The following CEP162 variants were observed in gnomAD, a reference collection of about 807,000 sequenced individuals.
The protein encoded by CEP162 is centrosomal protein 162, also known as centrosomal protein of 162 kDa.
Under a neutral mutation model 169.2 loss-of-function variants are expected in CEP162, and 141 were observed. That is an observed-to-expected ratio of 0.83 (90% CI 0.73 to 0.96). CEP162 has a LOEUF of 0.96. Among genes scored for constraint, CEP162 ranks in the 40% least tolerant of loss-of-function variants. The pLI, the probability that CEP162 is intolerant of heterozygous loss-of-function variation, is 0.00. For missense variants in CEP162, 1,600 were observed against 1,587.2 expected, an observed-to-expected ratio of 1.01 and a Z score of -0.14; for synonymous variants, 540 against 526.4, an observed-to-expected ratio of 1.03 and a Z score of -0.35.
At chr6:84,215,491 T>C (rs2099551195) in intron 4 of CEP162, 26 bp from the exon 5 acceptor site, 2 of 1,485,904 alleles carry the variant, frequency 1.3e-6, no homozygotes, top group East Asian at 4.7e-5. Context: ...AAATATATTT[T>C]AGTAATATAC....
chr6:84,162,836 A>C (rs1309924733), intron 19 of CEP162, among the ~76,000 whole-genome samples: 2 of 152,182 alleles, frequency 1.3e-5, no homozygotes, highest in Non-Finnish European at 2.9e-5. Flanking sequence ...TTTCAGACCC[A>C]GGGAAAAGAA....
At position 84,186,303 on chromosome 6, in the gene CEP162, C is replaced by A. The variant is rs776602609; in HGVS notation, c.1401+29G>T. 15 of 1,276,606 alleles carry A rather than the reference C, an allele frequency of 1.2e-5. No individual in the cohort carries two copies. The South Asian group carries it at 1.3e-4, about 11-fold the overall frequency. The allele number at this position is 1,276,606 out of a possible 1,614,324, so 79.1% of individuals were successfully genotyped here. A position where few individuals can be genotyped will look rare whatever the true frequency, so the allele number is the denominator to read the frequency against. ...TTTACATAACTTCGGTTCTCAATCT[C>A]TCAAATCAATTTGATGATAAATACT... On this transcript the variant is annotated intron_variant, in intron 12 of 26. Coordinates refer to ENST00000403245, the MANE Select transcript of CEP162 (RefSeq NM_014895.4).
intron 13 of CEP162, among the ~76,000 whole-genome samples, chr6:84,182,690 C>A (rs560058248): frequency 2.0e-5 from 3 of 152,164 alleles, no homozygotes; most frequent in South Asian, 4.2e-4. Flanking sequence ...GGCAGAGTAG[C>A]CATTGTGACA....
chr6:84,177,322 T>C (rs1437741700), intron 13 of CEP162, among the ~76,000 whole-genome samples: 1 of 152,184 alleles, frequency 6.6e-6, no homozygotes, highest in Non-Finnish European at 1.5e-5. Context: ...ACCCCACCAC[T>C]ATATGCATAC....
At chr6:84,196,699 T>C (rs1251935904) in intron 9 of CEP162, among the ~76,000 whole-genome samples, 1 of 152,162 alleles carries the variant, frequency 6.6e-6, no homozygotes, top group Admixed American at 6.5e-5. Flanking sequence ...TAAAATAGTA[T>C]ATATAGTCTC....
Position 84,161,802 on chromosome 6 carries a change from T to A in CEP162, c.2620A>T (p.Lys874Ter). ...GCTTCTCTAAGCCGAAGTGCATCTTTATCCAGAAGTTCCTGATTTTCAGCA... is the reference window on the plus strand; with the variant it reads ...GCTTCTCTAAGCCGAAGTGCATCTTAATCCAGAAGTTCCTGATTTTCAGCA... ...WYAENQELLD[K>*]DALRLREANE... The change falls in exon 20 of 27, where the codon AAA becomes TAA. Residue 874 changes from lysine (K) to a stop codon, truncating the protein, a stop_gained. Transcript: ENST00000403245. LOFTEE classifies it high-confidence loss of function. 6.2e-7 allele frequency: 1 copy of A among 1,602,656 alleles called. No homozygotes were observed. The highest frequency in any genetic ancestry group is 8.5e-7 in the Non-Finnish European group (1 of 1,173,660).
In CEP162 at chr6:84,164,894, A is replaced by C. The variant is rs9350992; in HGVS notation, c.2386-1624T>G. On this transcript the variant is annotated intron_variant, in intron 18 of 26. Transcript: ENST00000403245. ...AACAAAACAAACAAAAAAAAAGAAA[A>C]CTCCCTGCTGGCTCCTTGCAGGGTT... is the stretch of plus-strand genomic sequence containing the variant. 6.3e-3 allele frequency among the ~76,000 whole-genome samples: 954 copies of C among 151,640 alleles called. 36 individuals carry two copies. The East Asian group carries it at 0.069, about 11-fold the overall frequency.
chr6:84,188,031 T>C (rs2099537990), intron 11 of CEP162, among the ~76,000 whole-genome samples: 1 of 150,838 alleles, frequency 6.6e-6, no homozygotes. Context: ...AGAGACTTCT[T>C]GGTTGAAAAG....
chr6:84,205,626 A>C (rs2099546592), intron 6 of CEP162, among the ~76,000 whole-genome samples: 1 of 152,204 alleles, frequency 6.6e-6, no homozygotes, highest in Admixed American at 6.5e-5. Flanking sequence ...CTGAATGGGC[A>C]AAAGCTGGAA....
intron 22 of CEP162, among the ~76,000 whole-genome samples, chr6:84,154,116 ACAAGTAGTAAGCAAAGG>A (rs1055223044): frequency 6.6e-6 from 1 of 152,108 alleles, no homozygotes; most frequent in African/African-American, 2.4e-5. Context: ...GGGGGAAGAG[ACAAGTAGTAAGCAAAGG>A]CAGGAGTGGG....
At chr6:84,219,118 T>A (rs769995053) in intron 3 of CEP162, 33 of 1,211,478 alleles carry the variant, frequency 2.7e-5, no homozygotes, top group Non-Finnish European at 3.6e-5. Flanking sequence ...TTAAGATTAA[T>A]AATGCATTCC....
At chr6:84,152,152 C>T (rs143546534) in intron 23 of CEP162, among the ~76,000 whole-genome samples, 1 of 152,158 alleles carries the variant, frequency 6.6e-6, no homozygotes, top group African/African-American at 2.4e-5. Context: ...AGGACCTTTT[C>T]CTTTTAGACT....
chr6:84,148,541 T>C (rs1380547569), intron 24 of CEP162, among the ~76,000 whole-genome samples: 1 of 152,068 alleles, frequency 6.6e-6, no homozygotes, highest in East Asian at 1.9e-4. Context: ...TGCTTCAACA[T>C]ACATCTCTTT....
At chr6:84,211,881 C>A (rs2127745559) in intron 6 of CEP162, among the ~76,000 whole-genome samples, 2 of 146,688 alleles carry the variant, frequency 1.4e-5, no homozygotes, top group Admixed American at 6.8e-5. Flanking sequence ...CATGATACAC[C>A]ATAGTCAAAT....
intron 13 of CEP162, among the ~76,000 whole-genome samples, chr6:84,179,863 C>T (rs2099534013): frequency 6.6e-6 from 1 of 151,930 alleles, no homozygotes; most frequent in Admixed American, 6.5e-5. Flanking sequence ...AGCCTACCAA[C>T]CAAAAAAAAG....
At chr6:84,221,891 C>G (rs2099553859) in intron 2 of CEP162, among the ~76,000 whole-genome samples, 1 of 152,062 alleles carries the variant, frequency 6.6e-6, no homozygotes, top group Non-Finnish European at 1.5e-5. Flanking sequence ...TAGGTTCTTC[C>G]TTCCTTGGTT....
At chr6:84,184,188 C>T (rs1384571198) in intron 13 of CEP162, among the ~76,000 whole-genome samples, 3 of 152,168 alleles carry the variant, frequency 2.0e-5, no homozygotes, top group Non-Finnish European at 4.4e-5. Context: ...TCTTCCCTCA[C>T]TCTCGTACAT....
At position 84,191,249 on chromosome 6, in the gene CEP162, C is replaced by T. The variant is rs2099539759; in HGVS notation, c.1109+2360G>A. 2.0e-5 allele frequency among the ~76,000 whole-genome samples: 3 copies of T among 152,054 alleles called. No individual in the cohort carries two copies. The South Asian group carries it at 6.2e-4, about 31-fold the overall frequency. On this transcript the variant is annotated intron_variant, in intron 11 of 26. Coordinates refer to ENST00000403245, the MANE Select transcript of CEP162 (RefSeq NM_014895.4). ...GTGGATTGAGAAGGGAGTGTATCCCCCAAGATGGGCATACCCCTCAACCTA... is the reference window on the plus strand; with the variant it reads ...GTGGATTGAGAAGGGAGTGTATCCCTCAAGATGGGCATACCCCTCAACCTA...
In CEP162 at chr6:84,183,837, T is replaced by G. The variant is rs540913263; in HGVS notation, c.1663+1350A>C. ...TATTTAAGTTTAAATTCATGATCAC[T>G]AACTTTAATTAGACTGCCTTGGCTC... On this transcript the variant is annotated intron_variant, in intron 13 of 26. Transcript: ENST00000403245. Among the ~76,000 whole-genome samples the G allele has an allele frequency of 2.0e-5, 3 of 152,294 alleles. No homozygotes were observed. The East Asian group carries it at 5.8e-4, about 29-fold the overall frequency.
Sources: allele counts gnomAD v4.1 joint callset (sites outside exome capture counted in the v4.1 genomes callset), GRCh38; gene constraint gnomAD v4.1.1; transcripts MANE v1.5; gene names NCBI Gene and HGNC (gene_info 2026-07-23, HGNC 2026-07-21).